Variants in ADGRB3 observed in about 807,000 individuals in gnomAD.
ADGRB3 encodes brain-specific angiogenesis inhibitor 3.
A neutral mutation model predicts 193.4 loss-of-function variants in ADGRB3; 37 were observed. That is an observed-to-expected ratio of 0.19 (90% CI 0.15 to 0.25). ADGRB3 has a LOEUF of 0.25. ADGRB3 is among the 10% of genes least tolerant of loss of function. ADGRB3 has a pLI of 1.00. For missense variants in ADGRB3, 1,637 were observed against 1,852.9 expected, an observed-to-expected ratio of 0.88 and a Z score of 2.14; for synonymous variants, 690 against 644.2, an observed-to-expected ratio of 1.07 and a Z score of -1.08.
At chr6:69,044,145 T>C (rs1771168118) in intron 13 of ADGRB3, among the ~76,000 whole-genome samples, 2 of 152,224 alleles carry the variant, frequency 1.3e-5, no homozygotes, top group Non-Finnish European at 2.9e-5. Flanking sequence ...GATTTGAATA[T>C]TGGATCCAGA....
intron 3 of ADGRB3, among the ~76,000 whole-genome samples, chr6:68,745,017 C>T (rs1766056459): frequency 6.6e-6 from 1 of 152,094 alleles, no homozygotes; most frequent in Admixed American, 6.5e-5. Context: ...CCCCAGGTCT[C>T]CTATTACCTA....
chr6:69,114,921 C>T (rs1023327254), intron 17 of ADGRB3, among the ~76,000 whole-genome samples: 8 of 152,204 alleles, frequency 5.3e-5, no homozygotes, highest in African/African-American at 1.2e-4. Context: ...GTTAGAATGG[C>T]GATCATTAAA....
intron 3 of ADGRB3, among the ~76,000 whole-genome samples, chr6:68,736,801 A>G (rs1765881565): frequency 6.6e-6 from 1 of 152,104 alleles, no homozygotes. Context: ...TACATTTTTT[A>G]ATACAGAAAA....
chr6:69,087,275 C>T (rs1772577963), intron 17 of ADGRB3, among the ~76,000 whole-genome samples: 1 of 152,106 alleles, frequency 6.6e-6, no homozygotes, highest in Non-Finnish European at 1.5e-5. Flanking sequence ...AATTCATTAC[C>T]ATTCACCTCT....
intron 20 of ADGRB3, among the ~76,000 whole-genome samples, chr6:69,250,105 A>G (rs1157917280): frequency 6.6e-6 from 1 of 152,174 alleles, no homozygotes; most frequent in East Asian, 1.9e-4. Flanking sequence ...TACAATACAC[A>G]TAGTTTTCAT....
At chr6:68,771,379 AAT>A (rs955112209) in intron 3 of ADGRB3, among the ~76,000 whole-genome samples, 36 of 74,662 alleles carry the variant, frequency 4.8e-4, no homozygotes, top group African/African-American at 1.8e-3. Context: ...TGTGCTAGGG[AAT>A]ATATACACAC....
intron 17 of ADGRB3, among the ~76,000 whole-genome samples, chr6:69,207,181 C>T (rs542694135): frequency 1.3e-3 from 201 of 152,218 alleles, no homozygotes; most frequent in African/African-American, 4.6e-3. Context: ...GGCAATGTTC[C>T]TCCCTCTGGA....
At chr6:68,957,056 T>C (rs1582347534) in intron 8 of ADGRB3, among the ~76,000 whole-genome samples, 1 of 152,286 alleles carries the variant, frequency 6.6e-6, no homozygotes, top group East Asian at 1.9e-4. Context: ...ATACTGGAAA[T>C]GTAAAGACAT....
rs182116007 is a variant in ADGRB3 at position 69,213,290 on chromosome 6, A to G, written c.2481-20000A>G. Among the ~76,000 whole-genome samples the G allele has an allele frequency of 1.2e-3, 177 of 152,288 alleles. 1 individual carries two copies. Among genetic ancestry groups the G allele is most frequent in the East Asian group, 7.7e-4 (4 of 5,190 alleles). On this transcript the variant is annotated intron_variant, in intron 17 of 31. Coordinates refer to ENST00000370598, the MANE Select transcript of ADGRB3 (RefSeq NM_001704.3). ...TGCACTTCACTCTCACATTATATTTACCTTAAGGGTAACCTACCTATTTCC... is the reference window on the plus strand; with the variant it reads ...TGCACTTCACTCTCACATTATATTTGCCTTAAGGGTAACCTACCTATTTCC...
intron 3 of ADGRB3, among the ~76,000 whole-genome samples, chr6:68,883,950 G>C (rs565576132): frequency 3.9e-5 from 6 of 152,148 alleles, no homozygotes. Flanking sequence ...GTACTTCCAA[G>C]GTTGCTGTCC....
At chr6:69,144,839 T>C (rs1774435817) in intron 17 of ADGRB3, among the ~76,000 whole-genome samples, 1 of 150,562 alleles carries the variant, frequency 6.6e-6, no homozygotes, top group African/African-American at 2.4e-5. Flanking sequence ...TTTGCATCAA[T>C]GTTAATCAGG....
chr6:68,819,117 T>G (rs925025074), intron 3 of ADGRB3, among the ~76,000 whole-genome samples: 3 of 152,072 alleles, frequency 2.0e-5, no homozygotes, highest in Non-Finnish European at 4.4e-5. Context: ...TTTTCACCTT[T>G]ATATATGAAA....
intron 13 of ADGRB3, among the ~76,000 whole-genome samples, chr6:69,027,343 G>A (rs1481147909): frequency 6.6e-6 from 1 of 152,048 alleles, no homozygotes; most frequent in Non-Finnish European, 1.5e-5. Context: ...GTCCTCAGGG[G>A]AAATAACATG....
chr6:69,049,236 C>T (rs769233784), intron 14 of ADGRB3, 35 bp from the exon 15 acceptor site: 31 of 1,448,816 alleles, frequency 2.1e-5, no homozygotes, highest in Non-Finnish European at 2.8e-5. Flanking sequence ...TATTTTCTTG[C>T]TGTTTGCTAA....
At chr6:69,284,004 C>T (rs1767497865) in intron 20 of ADGRB3, among the ~76,000 whole-genome samples, 1 of 152,172 alleles carries the variant, frequency 6.6e-6, no homozygotes, top group African/African-American at 2.4e-5. Context: ...GGGCTGCTAG[C>T]TTATTCCACA....
chr6:69,018,303 G>A, intron 12 of ADGRB3, 88 bp from the exon 13 acceptor site: 1 of 740,432 alleles, frequency 1.4e-6, no homozygotes, highest in Non-Finnish European at 2.1e-6. Context: ...GCTCATTTGT[G>A]ATTTCATGTA....
chr6:68,829,967 A>T (rs1029573780), intron 3 of ADGRB3, among the ~76,000 whole-genome samples: 2 of 152,174 alleles, frequency 1.3e-5, no homozygotes, highest in Admixed American at 1.3e-4. Context: ...CTATTCAGAC[A>T]TACCAAGTAT....
At chr6:68,917,630 T>A (rs1766920263) in intron 3 of ADGRB3, among the ~76,000 whole-genome samples, 1 of 152,150 alleles carries the variant, frequency 6.6e-6, no homozygotes, top group African/African-American at 2.4e-5. Context: ...TTACTGGATT[T>A]TATTCTCTAA....
At position 68,772,891 on chromosome 6, in the gene ADGRB3, AAAAATATATATATATATATATATAT is replaced by A. The variant is rs1339116337; in HGVS notation, c.757+133461_757+133485del. Among the ~76,000 whole-genome samples the A allele has an allele frequency of 8.9e-4, 32 of 35,846 alleles. 1 individual carries two copies. Among genetic ancestry groups the A allele is most frequent in the African/African-American group, 4.0e-3 (24 of 5,928 alleles). The allele number at this position is 35,846 out of a possible 152,430, so 23.5% of individuals were successfully genotyped here. A position where few individuals can be genotyped will look rare whatever the true frequency, so the allele number is the denominator to read the frequency against. On this transcript the variant is annotated intron_variant, in intron 3 of 31. Transcript: ENST00000370598. Reference sequence around the variant, plus strand: ...CAAACAAACAAACAAACAAAAAAAAAAAAATATATATATATATATATATATATATATATATATATATACATACACA... The same window carrying A: ...CAAACAAACAAACAAACAAAAAAAAAATATATATATATATATACATACACA...
Sources: gnomAD v4.1 joint callset for allele counts (sites outside exome capture counted in the v4.1 genomes callset) on GRCh38, gnomAD v4.1.1 for gene constraint, MANE v1.5 for transcripts, NCBI Gene and HGNC (gene_info 2026-07-23, HGNC 2026-07-21) for gene names.